The following TLR3 variants were observed in gnomAD, a reference collection of about 807,000 sequenced individuals.
The protein encoded by TLR3 is toll like receptor 3.
TLR3 carries 43 observed loss-of-function variants against 66.4 expected under a neutral mutation model. The observed-to-expected ratio is 0.65, with a 90% CI of 0.51 to 0.83. The LOEUF (loss-of-function observed/expected upper bound fraction) is 0.83, where lower values mean the gene tolerates loss of function less well. Among genes scored for constraint, TLR3 ranks in the 40% least tolerant of loss-of-function variants. The pLI is 0.00. For synonymous variants in TLR3, 397 were observed against 397.2 expected, an observed-to-expected ratio of 1.00 and a Z score of 0.01; for missense variants, 982 against 1,044.6, an observed-to-expected ratio of 0.94 and a Z score of 0.83.
Position 186,087,082 on chromosome 4 carries a change from C to T in TLR3, c.*2209C>T, listed in dbSNP as rs756756963. On this transcript the variant is annotated 3_prime_UTR_variant, in exon 5 of 5. Transcript: ENST00000296795. ...TTGTGCACCCTACGCAAATGAATAG[C>T]TGTCACAGCTGAGGTAGAGTTACAG... 6.6e-6 allele frequency: 1 copy of T among 152,192 alleles called. No individual in the cohort carries two copies. Among genetic ancestry groups the T allele is most frequent in the Non-Finnish European group, 1.5e-5 (1 of 68,040 alleles). 9.4% of individuals were successfully genotyped at this position (152,192 alleles called of 1,614,324 possible).
chr4:186,078,674 G>A (rs1449062080), intron 2 of TLR3, among the ~76,000 whole-genome samples, 166 bp from the exon 3 acceptor site: 1 of 152,134 alleles, frequency 6.6e-6, no homozygotes, highest in Non-Finnish European at 1.5e-5. Flanking sequence ...ACGTAACAAA[G>A]ATTAATCAGA....
At chr4:186,074,895 G>A (rs2099302188) in intron 1 of TLR3, among the ~76,000 whole-genome samples, 2 of 151,540 alleles carry the variant, frequency 1.3e-5, no homozygotes, top group Non-Finnish European at 2.9e-5. Context: ...TAATGTCACT[G>A]CCTTCCACCA....
chr4:186,073,520 A>C (rs2099301869), intron 1 of TLR3, among the ~76,000 whole-genome samples: 1 of 147,974 alleles, frequency 6.8e-6, no homozygotes, highest in Non-Finnish European at 1.5e-5. Context: ...ACTCCATCTC[A>C]AAAAAAAAAC....
chr4:186,074,311 C>T (rs539845389), intron 1 of TLR3, among the ~76,000 whole-genome samples: 14 of 152,334 alleles, frequency 9.2e-5, no homozygotes, highest in African/African-American at 1.7e-4. Flanking sequence ...CAGCCTGTGG[C>T]GCCCAGCCTG....
chr4:186,078,309 T>A (rs2099302789), intron 2 of TLR3, among the ~76,000 whole-genome samples: 1 of 152,174 alleles, frequency 6.6e-6, no homozygotes, highest in Non-Finnish European at 1.5e-5. Flanking sequence ...CTTAATATTC[T>A]GTACTAGTCA....
At position 186,073,335 on chromosome 4, in the gene TLR3, C is replaced by A. The variant is rs572675106; in HGVS notation, c.-7-3278C>A. Reference sequence around the variant, plus strand: ...AGGAGTTCAAGACCAGCCTGGCCAACATGGTGAAACCCTGTCTCTACTACA... The same window carrying A: ...AGGAGTTCAAGACCAGCCTGGCCAAAATGGTGAAACCCTGTCTCTACTACA... On this transcript the variant is annotated intron_variant, in intron 1 of 4. Transcript: ENST00000296795. Among the ~76,000 whole-genome samples the A allele has an allele frequency of 1.7e-3, 266 of 152,200 alleles. 6 individuals are homozygous for A. The highest frequency in any genetic ancestry group is 3.4e-3 in the Middle Eastern group (1 of 294).
intron 1 of TLR3, among the ~76,000 whole-genome samples, 169 bp from the exon 2 acceptor site, chr4:186,076,444 C>T (rs1025438471): frequency 7.9e-5 from 12 of 151,962 alleles, no homozygotes; most frequent in African/African-American, 1.7e-4. Flanking sequence ...GACATTTTTC[C>T]GTTTGATGTA....
intron 1 of TLR3, among the ~76,000 whole-genome samples, chr4:186,072,198 C>G (rs1214180750): frequency 6.6e-6 from 1 of 152,222 alleles, no homozygotes; most frequent in Admixed American, 6.5e-5. Context: ...TCTGGAGGAG[C>G]CTCAAGGAGC....
chr4:186,084,176 G>T lies in TLR3; in HGVS notation c.2486+4G>T. Reference sequence around the variant, plus strand: ...TAAAAGACCCATTATGCAAAAGGTAGGTAAACATTGTGAAATTTTAAGTGT... The same window carrying T: ...TAAAAGACCCATTATGCAAAAGGTATGTAAACATTGTGAAATTTTAAGTGT... On this transcript the variant is annotated splice_donor_region_variant and intron_variant, in intron 4 of 4. Transcript: ENST00000296795. 6.2e-7 allele frequency: 1 copy of T among 1,612,372 alleles called. No homozygotes were observed. The highest frequency in any genetic ancestry group is 8.5e-7 in the Non-Finnish European group (1 of 1,179,256).
rs374422592 is a variant in TLR3, at chr4:186,083,858, C to T, written c.2172C>T (p.His724=). ...TTATCTTTATTGTACTTCTCATCCA[C>T]TTTGAGGGCTGGAGGATATCTTTTT... ...LIFIFIVLLI[H]FEGWRISFYW... is the part of the protein sequence containing the mutation. Residue 724 remains histidine (H), a synonymous_variant, in exon 4 of 5, where the codon CAC becomes CAT. Transcript: ENST00000296795. The surrounding 1 kb of genome is among the most constrained non-coding windows in gnomAD (Gnocchi z 4.0). The T allele has an allele frequency of 2.2e-5, 36 of 1,614,054 alleles. No individual in the cohort carries two copies. In the African/African-American group the frequency reaches 4.8e-4, roughly 22 times the overall value.
chr4:186,086,459 G>A lies in TLR3; in HGVS notation c.*1586G>A, dbSNP rs1162483460. On this transcript the variant is annotated 3_prime_UTR_variant, in exon 5 of 5. Transcript: ENST00000296795. ...AAATATCCACTGTACCTCTGGTTCT[G>A]AAGAGTCTATAGTCGGCCAACACTG... 1 of 152,222 alleles carries A rather than the reference G, an allele frequency of 6.6e-6. No homozygotes were observed. Among genetic ancestry groups the A allele is most frequent in the Admixed American group, 6.5e-5 (1 of 15,286 alleles). 9.4% of individuals were successfully genotyped at this position (152,222 alleles called of 1,614,324 possible).
At chr4:186,080,312 G>A (rs917065533) in intron 3 of TLR3, among the ~76,000 whole-genome samples, 2 of 151,706 alleles carry the variant, frequency 1.3e-5, no homozygotes, top group Admixed American at 6.6e-5. Flanking sequence ...ATTTATTGTA[G>A]TAATCTTATT....
Position 186,076,657 on chromosome 4 carries a change from G to A in TLR3, c.38G>A (p.Gly13Asp), listed in dbSNP as rs371978453. ...TTGCCTTGTATCTACTTTTGGGGGG[G>A]CCTTTTGCCCTTTGGGATGCTGTGT... is the stretch of plus-strand genomic sequence containing the variant. ...QTLPCIYFWG[G>D]LLPFGMLCAS... The change falls in exon 2 of 5, where the codon GGC becomes GAC. Residue 13 changes from glycine to aspartate, a missense_variant. Physicochemically the swap from Gly to Asp is moderately conservative, Grantham distance 94 (BLOSUM62 -1). Around this residue, in one of 3 missense-constraint regions of TLR3, gnomAD observed 313 missense variants for 319.0 expected, o/e 0.98. Coordinates refer to ENST00000296795, the MANE Select transcript of TLR3 (RefSeq NM_003265.3). 1 of 1,614,004 alleles carries A rather than the reference G, an allele frequency of 6.2e-7. No individual in the cohort carries two copies. The highest frequency in any genetic ancestry group is 8.5e-7 in the Non-Finnish European group (1 of 1,180,032).
At chr4:186,081,895 C>A in intron 3 of TLR3, 1 of 192,362 alleles carries the variant, frequency 5.2e-6, no homozygotes, top group Non-Finnish European at 1.1e-5. Flanking sequence ...AATGCTCTGC[C>A]CATGGGATGT....
intron 1 of TLR3, among the ~76,000 whole-genome samples, chr4:186,072,548 T>A (rs900723234): frequency 1.3e-5 from 2 of 152,176 alleles, no homozygotes; most frequent in African/African-American, 4.8e-5. Context: ...TGACCTCAGG[T>A]GATCTGCCCA....
intron 4 of TLR3, 106 bp downstream of exon 4, chr4:186,084,278 T>TGGTGTGATCTCAGCTTACTGCAGC: frequency 8.6e-7 from 1 of 1,165,706 alleles, no homozygotes; most frequent in South Asian, 1.4e-5. Flanking sequence ...TGGAGTGCAG[T>TGGTGTGATCTCAGCTTACTGCAGC]GGTGTGATCT....
rs1053385239 is a variant in TLR3, at chr4:186,081,974, C to G, written c.634-346C>G. 6 of 306,182 alleles carry G rather than the reference C, an allele frequency of 2.0e-5. No individual in the cohort carries two copies. In the Admixed American group the frequency reaches 2.9e-4, roughly 15 times the overall value. 19.0% of individuals were successfully genotyped at this position (306,182 alleles called of 1,614,324 possible). A position where few individuals can be genotyped will look rare whatever the true frequency, so the allele number is the denominator to read the frequency against. ...GGGTGCAGCGGCTCAGGCCTATAAT[C>G]CCAGCACTTTGGGAGGCTGAGGCGG... On this transcript the variant is annotated intron_variant, in intron 3 of 4. Transcript: ENST00000296795.
At position 186,085,766 on chromosome 4, in the gene TLR3, C is replaced by G. The variant is rs2099304247; in HGVS notation, c.*893C>G. On this transcript the variant is annotated 3_prime_UTR_variant, in exon 5 of 5. Coordinates refer to ENST00000296795, the MANE Select transcript of TLR3 (RefSeq NM_003265.3). Reference sequence around the variant, plus strand: ...GATGATGATCGCTGTATAATATATTCAAAGGAATGTATTATTTTACCATAA... The same window carrying G: ...GATGATGATCGCTGTATAATATATTGAAAGGAATGTATTATTTTACCATAA... 6.6e-6 allele frequency: 1 copy of G among 152,164 alleles called. No individual in the cohort carries two copies. Among genetic ancestry groups the G allele is most frequent in the Non-Finnish European group, 1.5e-5 (1 of 68,034 alleles). The allele number at this position is 152,164 out of a possible 1,614,324, so 9.4% of individuals were successfully genotyped here.
At position 186,086,048 on chromosome 4, in the gene TLR3, G is replaced by A. The variant is rs185672061; in HGVS notation, c.*1175G>A. The stretch of plus-strand genomic sequence containing the variant: ...CTGGCTAATTTTTGTATTTTTAGTA[G>A]AGATGGGGTTTCACCATGTTGGCCA... On this transcript the variant is annotated 3_prime_UTR_variant, in exon 5 of 5. Coordinates refer to ENST00000296795, the MANE Select transcript of TLR3 (RefSeq NM_003265.3). 5.9e-5 allele frequency: 9 copies of A among 152,258 alleles called. No homozygotes were observed. Among genetic ancestry groups the A allele is most frequent in the African/African-American group, 2.2e-4 (9 of 41,536 alleles). 9.4% of individuals were successfully genotyped at this position (152,258 alleles called of 1,614,324 possible). A position where few individuals can be genotyped will look rare whatever the true frequency, so the allele number is the denominator to read the frequency against.
Sources: gnomAD v4.1 joint callset for allele counts (sites outside exome capture counted in the v4.1 genomes callset) on GRCh38, gnomAD v4.1.1 for gene constraint, gnomAD v4.1.1 regional missense constraint, Gnocchi (gnomAD v3.1) non-coding constraint, MANE v1.5 for transcripts, NCBI Gene and HGNC (gene_info 2026-07-23, HGNC 2026-07-21) for gene names.